BNC2: variants seen among roughly 807,000 people sequenced by gnomAD.
The protein encoded by BNC2 is basonuclin zinc finger protein 2.
Under a neutral mutation model 76.3 loss-of-function variants are expected in BNC2, and 20 were observed. The observed-to-expected ratio is 0.26, with a 90% CI of 0.18 to 0.38. The LOEUF (loss-of-function observed/expected upper bound fraction) is 0.38, where lower values mean the gene tolerates loss of function less well. Ranked by LOEUF, BNC2 falls within the 10% of genes least tolerant of loss-of-function variation. The probability of loss-of-function intolerance (pLI) is 1.00; values close to 1 mark genes in which losing one functional copy is unlikely to be tolerated. For missense variants in BNC2, 1,382 were observed against 1,399.8 expected (o/e 0.99, Z 0.20); for synonymous variants, 582 against 514.8 (o/e 1.13, Z -1.77).
intron 6 of BNC2, among the ~76,000 whole-genome samples, chr9:16,423,860 G>C (rs1198553763): frequency 1.3e-5 from 2 of 152,106 alleles, no homozygotes; most frequent in Non-Finnish European, 2.9e-5. Flanking sequence ...TCTATACTGT[G>C]AATCTACCAA....
chr9:16,712,981 G>A (rs1823892922), intron 3 of BNC2, among the ~76,000 whole-genome samples: 1 of 152,300 alleles, frequency 6.6e-6, no homozygotes, highest in East Asian at 1.9e-4. Flanking sequence ...AAAAGGGTAG[G>A]CGTTTCACAT....
At chr9:16,600,567 T>C (rs778513978) in intron 3 of BNC2, among the ~76,000 whole-genome samples, 1 of 152,212 alleles carries the variant, frequency 6.6e-6, no homozygotes, top group Non-Finnish European at 1.5e-5. Context: ...AGTTAAGGTA[T>C]ACATGCTTCC....
intron 1 of BNC2, among the ~76,000 whole-genome samples, chr9:16,862,756 C>T (rs1409849994): frequency 6.6e-6 from 1 of 152,090 alleles, no homozygotes; most frequent in East Asian, 1.9e-4. Flanking sequence ...CTTCACAAGT[C>T]CCTCTTTTCT....
intron 4 of BNC2, among the ~76,000 whole-genome samples, chr9:16,556,483 A>T (rs1044718953): frequency 1.3e-5 from 2 of 151,824 alleles, no homozygotes; most frequent in African/African-American, 4.8e-5. Context: ...AAAAATATTA[A>T]ACTGGGCCAG....
chr9:16,860,590 C>G (rs1819381735), intron 1 of BNC2, among the ~76,000 whole-genome samples: 1 of 151,994 alleles, frequency 6.6e-6, no homozygotes. Context: ...CTGTAAGACA[C>G]TTATCAAAAA....
intron 1 of BNC2, among the ~76,000 whole-genome samples, chr9:16,741,137 G>A (rs567270772): frequency 1.2e-4 from 18 of 152,232 alleles, no homozygotes; most frequent in African/African-American, 4.3e-4. Context: ...AGGAATCGAG[G>A]AGTACTAGAA....
chr9:16,718,638 T>G (rs919674388), intron 3 of BNC2, among the ~76,000 whole-genome samples: 5 of 152,138 alleles, frequency 3.3e-5, no homozygotes, highest in African/African-American at 9.7e-5. Context: ...GAAACCATCA[T>G]GCTATTTTCC....
intron 3 of BNC2, among the ~76,000 whole-genome samples, chr9:16,659,469 G>A (rs1563884477): frequency 6.6e-6 from 1 of 152,082 alleles, no homozygotes; most frequent in Non-Finnish European, 1.5e-5. Flanking sequence ...TTAGCTGTGT[G>A]TGGTGGTGCA....
intron 3 of BNC2, among the ~76,000 whole-genome samples, chr9:16,613,547 C>T (rs1014173547): frequency 6.6e-6 from 1 of 152,132 alleles, no homozygotes; most frequent in African/African-American, 2.4e-5. Context: ...AACACCTGTA[C>T]CTTTTCTGAA....
At chr9:16,679,977 T>C (rs969767572) in intron 3 of BNC2, among the ~76,000 whole-genome samples, 1 of 152,232 alleles carries the variant, frequency 6.6e-6, no homozygotes, top group African/African-American at 2.4e-5. Flanking sequence ...TGTTTGGTTC[T>C]TAGTAATTTT....
intron 3 of BNC2, among the ~76,000 whole-genome samples, chr9:16,695,519 TTTTTTC>T (rs1357189889): frequency 7.1e-6 from 1 of 141,008 alleles, no homozygotes; most frequent in African/African-American, 2.6e-5. Flanking sequence ...TTAGCTAAAT[TTTTTTC>T]TTTTTCTTTC....
intron 5 of BNC2, among the ~76,000 whole-genome samples, chr9:16,506,707 G>C (rs1018819543): frequency 2.0e-5 from 3 of 150,598 alleles, no homozygotes; most frequent in Non-Finnish European, 4.4e-5. Flanking sequence ...TGTATTTTTA[G>C]TTGAGACGGG....
intron 1 of BNC2, among the ~76,000 whole-genome samples, chr9:16,843,914 G>A (rs1387580113): frequency 3.3e-5 from 5 of 152,148 alleles, no homozygotes; most frequent in Admixed American, 1.3e-4. Context: ...AGGATGCAAC[G>A]AGTATGTGAA....
chr9:16,736,182 C>A (rs1462670566), intron 2 of BNC2, among the ~76,000 whole-genome samples: 1 of 148,488 alleles, frequency 6.7e-6, no homozygotes, highest in African/African-American at 2.5e-5. Context: ...TGCAGTGACC[C>A]AAGATCGCGC....
At chr9:16,589,009 T>C (rs12002248) in intron 3 of BNC2, among the ~76,000 whole-genome samples, 4,674 of 152,204 alleles carry the variant, frequency 0.031, 245 homozygotes, top group African/African-American at 0.11. Flanking sequence ...TTTGGGCAAA[T>C]AGAAGCATAA....
chr9:16,854,631 G>A (rs1819208205), intron 1 of BNC2, among the ~76,000 whole-genome samples: 1 of 151,962 alleles, frequency 6.6e-6, no homozygotes, highest in East Asian at 1.9e-4. Flanking sequence ...GTAGCATGAG[G>A]TATCCCCCAA....
At chr9:16,670,763 C>A (rs955353319) in intron 3 of BNC2, among the ~76,000 whole-genome samples, 4 of 152,162 alleles carry the variant, frequency 2.6e-5, no homozygotes, top group African/African-American at 9.7e-5. Context: ...AAGTACACTA[C>A]AATAAATGCA....
chr9:16,484,290 T>C (rs922898546), intron 5 of BNC2, among the ~76,000 whole-genome samples: 2 of 152,172 alleles, frequency 1.3e-5, no homozygotes, highest in African/African-American at 4.8e-5. Context: ...TAAAGCTCCT[T>C]GTTTTTGACA....
intron 1 of BNC2, among the ~76,000 whole-genome samples, chr9:16,767,945 G>A (rs1392570467): frequency 3.3e-5 from 5 of 151,194 alleles, no homozygotes; most frequent in East Asian, 1.9e-4. Context: ...AGGGCAAGAA[G>A]TGAAGAGGCA....
Sources: gnomAD v4.1 joint callset for allele counts (sites outside exome capture counted in the v4.1 genomes callset) on GRCh38, gnomAD v4.1.1 for gene constraint, MANE v1.5 for transcripts, NCBI Gene and HGNC (gene_info 2026-07-23, HGNC 2026-07-21) for gene names.